The following NKAIN2 variants were observed in gnomAD, a reference collection of about 807,000 sequenced individuals.
The protein encoded by NKAIN2 is sodium/potassium transporting ATPase interacting 2, also known as sodium/potassium-transporting ATPase subunit beta-1-interacting protein 2.
In NKAIN2, 14 loss-of-function variants were observed where a neutral mutation model predicts 32.6. That is an observed-to-expected ratio of 0.43 (90% CI 0.28 to 0.67). The LOEUF is 0.67. Ranked by LOEUF, NKAIN2 falls within the 30% of genes least tolerant of loss-of-function variation. The pLI is 0.17. For missense variants in NKAIN2, 198 were observed against 258.3 expected (o/e 0.77, Z 1.60); for synonymous variants, 80 against 87.2 (o/e 0.92, Z 0.46).
At chr6:124,016,745 A>G (rs566862875) in intron 1 of NKAIN2, among the ~76,000 whole-genome samples, 5 of 152,298 alleles carry the variant, frequency 3.3e-5, no homozygotes, top group East Asian at 3.9e-4. Flanking sequence ...GAAAGTCCTT[A>G]TAACAGCTGT....
Position 124,445,783 on chromosome 6 carries a change from C to CA in NKAIN2, c.273+90448dup, listed in dbSNP as rs869309610. Among the ~76,000 whole-genome samples, 544 of 70,148 alleles carry CA rather than the reference C, an allele frequency of 7.8e-3. 4 individuals carry two copies. Among genetic ancestry groups the CA allele is most frequent in the African/African-American group, 0.016 (502 of 31,778 alleles). 46.0% of individuals were successfully genotyped at this position (70,148 alleles called of 152,430 possible). A position where few individuals can be genotyped will look rare whatever the true frequency, so the allele number is the denominator to read the frequency against. ...AAACAAAAATGAAAACGAAACAAAA[C>CA]AAAAAAAAAAAACAGACACTGCTGC... is the stretch of plus-strand genomic sequence containing the variant. On this transcript the variant is annotated intron_variant, in intron 3 of 6. Transcript: ENST00000368417.
intron 1 of NKAIN2, among the ~76,000 whole-genome samples, chr6:124,178,362 A>AT (rs1330591472): frequency 2.0e-5 from 3 of 149,984 alleles, no homozygotes; most frequent in African/African-American, 7.4e-5. Context: ...CAGTGGCATG[A>AT]TCTAGGCTCA....
chr6:124,023,149 G>A (rs1365062808), intron 1 of NKAIN2, among the ~76,000 whole-genome samples: 1 of 150,066 alleles, frequency 6.7e-6, no homozygotes, highest in Non-Finnish European at 1.5e-5. Context: ...ACCTCTACTA[G>A]CATACCAGAT....
intron 4 of NKAIN2, among the ~76,000 whole-genome samples, chr6:124,708,822 C>A (rs1480291830): frequency 1.4e-5 from 2 of 146,802 alleles, no homozygotes; most frequent in Non-Finnish European, 3.0e-5. Flanking sequence ...TAATTGAATA[C>A]CCTTTATTTC....
intron 2 of NKAIN2, among the ~76,000 whole-genome samples, chr6:124,330,309 T>A (rs12211916): frequency 0.14 from 21,493 of 152,182 alleles, 1,933 homozygotes; most frequent in Middle Eastern, 0.23. Flanking sequence ...GACTCTGAGA[T>A]GGAGATTTGC....
At chr6:124,440,389 C>T (rs748049831) in intron 3 of NKAIN2, among the ~76,000 whole-genome samples, 1 of 152,102 alleles carries the variant, frequency 6.6e-6, no homozygotes, top group Non-Finnish European at 1.5e-5. Context: ...AAGACCATAA[C>T]TTATACTTTC....
chr6:124,739,341 A>G (rs948887445), intron 4 of NKAIN2, among the ~76,000 whole-genome samples: 12 of 151,878 alleles, frequency 7.9e-5, no homozygotes, highest in Admixed American at 5.3e-4. Context: ...GGCAGCCAAT[A>G]TCAGCATGGG....
intron 1 of NKAIN2, among the ~76,000 whole-genome samples, chr6:123,835,241 A>C (rs765929175): frequency 1.5e-4 from 23 of 152,218 alleles, no homozygotes; most frequent in Non-Finnish European, 2.8e-4. Flanking sequence ...AAAATAGAGG[A>C]GCATTTGAAA....
chr6:124,449,324 G>C (rs954008591), intron 3 of NKAIN2, among the ~76,000 whole-genome samples: 11 of 151,960 alleles, frequency 7.2e-5, no homozygotes, highest in African/African-American at 2.7e-4. Flanking sequence ...GAGACATAAA[G>C]CAATATCTAA....
In NKAIN2 at chr6:124,185,113, T is replaced by C. The variant is rs143976013; in HGVS notation, c.55-97892T>C. Among the ~76,000 whole-genome samples the C allele has an allele frequency of 1.6e-3, 250 of 152,302 alleles. 4 individuals carry two copies. Among genetic ancestry groups the C allele is most frequent in the African/African-American group, 5.7e-3 (238 of 41,588 alleles). ...AACATATCTATGTATGTACTATTTC[T>C]AGACACTTTGGCTTTAGACAATGAA... On this transcript the variant is annotated intron_variant, in intron 1 of 6. Coordinates refer to ENST00000368417, the MANE Select transcript of NKAIN2 (RefSeq NM_001040214.3).
intron 4 of NKAIN2, among the ~76,000 whole-genome samples, chr6:124,746,951 A>G (rs1777478846): frequency 6.6e-6 from 1 of 151,964 alleles, no homozygotes; most frequent in South Asian, 2.1e-4. Flanking sequence ...ATATCCAAAG[A>G]AAACAAAGAC....
intron 4 of NKAIN2, among the ~76,000 whole-genome samples, chr6:124,694,063 A>ACACC (rs1302324582): frequency 2.6e-5 from 4 of 152,230 alleles, no homozygotes; most frequent in Non-Finnish European, 5.9e-5. Context: ...TGCATCTTGT[A>ACACC]CACCCACATT....
intron 1 of NKAIN2, among the ~76,000 whole-genome samples, chr6:124,224,727 T>C (rs371385629): frequency 7.9e-5 from 12 of 152,258 alleles, no homozygotes; most frequent in African/African-American, 2.9e-4. Flanking sequence ...ATGTGAAAAT[T>C]GTTTCCTTAA....
intron 3 of NKAIN2, among the ~76,000 whole-genome samples, chr6:124,551,855 T>C (rs1780299491): frequency 6.6e-6 from 1 of 152,248 alleles, no homozygotes; most frequent in Non-Finnish European, 1.5e-5. Context: ...GTCAGAGTCA[T>C]TACTTTGTGA....
In NKAIN2 at chr6:124,538,399, C is replaced by T. The variant is rs544147315; in HGVS notation, c.274-119787C>T. Among the ~76,000 whole-genome samples, 3 of 152,080 alleles carry T rather than the reference C, an allele frequency of 2.0e-5. No homozygotes were observed. The South Asian group carries it at 6.2e-4, about 32-fold the overall frequency. The stretch of plus-strand genomic sequence containing the variant: ...TTTTCTTCTAAGGTCACTTGTTGCA[C>T]GTGAAAGAATCTGCTCTCCATCCGA... On this transcript the variant is annotated intron_variant, in intron 3 of 6. Coordinates refer to ENST00000368417, the MANE Select transcript of NKAIN2 (RefSeq NM_001040214.3).
rs201763866 is a variant in NKAIN2, at chr6:124,442,157, A to C, written c.273+86810A>C. On this transcript the variant is annotated intron_variant, in intron 3 of 6. Coordinates refer to ENST00000368417, the MANE Select transcript of NKAIN2 (RefSeq NM_001040214.3). ...ATTCAACTCTTCCCCTTCCAGATCC[A>C]TAATCAACCAGCTAAGCCCTTTGCC... is the stretch of plus-strand genomic sequence containing the variant. Among the ~76,000 whole-genome samples the C allele has an allele frequency of 4.6e-5, 7 of 152,198 alleles. No individual in the cohort carries two copies. The East Asian group carries it at 1.2e-3, about 25-fold the overall frequency.
At chr6:124,349,068 A>T (rs539813956) in intron 2 of NKAIN2, among the ~76,000 whole-genome samples, 2 of 152,242 alleles carry the variant, frequency 1.3e-5, no homozygotes, top group Admixed American at 6.5e-5. Flanking sequence ...GTTTATTAGA[A>T]CTGATTATAT....
intron 1 of NKAIN2, among the ~76,000 whole-genome samples, chr6:124,144,156 T>G (rs1787275023): frequency 6.6e-6 from 1 of 152,222 alleles, no homozygotes; most frequent in Non-Finnish European, 1.5e-5. Context: ...AAAAGAATTT[T>G]TATGAAGTTT....
rs1778883726 is a variant in NKAIN2 at position 124,515,706 on chromosome 6, G to GCTCTTTCCCTT, written c.274-142478_274-142477insCTTTCCCTTCT. Among the ~76,000 whole-genome samples the GCTCTTTCCCTT allele has an allele frequency of 1.9e-3, 7 of 3,652 alleles. 2 individuals carry two copies. The Non-Finnish European group carries it at 0.062, about 33-fold the overall frequency. The allele number at this position is 3,652 out of a possible 152,430, so 2.4% of individuals were successfully genotyped here. A position where few individuals can be genotyped will look rare whatever the true frequency, so the allele number is the denominator to read the frequency against. ...GCACTTCCCTACTTCATTTTTCTTC[G>GCTCTTTCCCTT]CTTTCTCTCCGTCTCGCTCTGTCGC... On this transcript the variant is annotated intron_variant, in intron 3 of 6. Coordinates refer to ENST00000368417, the MANE Select transcript of NKAIN2 (RefSeq NM_001040214.3).
Sources: allele counts gnomAD v4.1 joint callset (sites outside exome capture counted in the v4.1 genomes callset), GRCh38; gene constraint gnomAD v4.1.1; transcripts MANE v1.5; gene names NCBI Gene and HGNC (gene_info 2026-07-23, HGNC 2026-07-21).